The following PLEKHG4B variants were observed in gnomAD, a reference collection of about 807,000 sequenced individuals.
The protein encoded by PLEKHG4B is pleckstrin homology domain-containing family G member 4B.
PLEKHG4B carries 111 observed loss-of-function variants against 121.3 expected under a neutral mutation model. That is an observed-to-expected ratio of 0.92 (90% CI 0.78 to 1.07). PLEKHG4B has a LOEUF of 1.07. PLEKHG4B is among the 50% of genes least tolerant of loss of function. PLEKHG4B has a pLI of 0.00. For synonymous variants in PLEKHG4B, 738 were observed against 725.0 expected (o/e 1.02, Z -0.29); for missense variants, 1,831 against 1,757.8 (o/e 1.04, Z -0.74).
intron 2 of PLEKHG4B, among the ~76,000 whole-genome samples, chr5:118,324 C>T (rs984294006): frequency 4.6e-5 from 7 of 152,090 alleles, no homozygotes; most frequent in Non-Finnish European, 2.9e-5. Flanking sequence ...GTAAGCAGAC[C>T]ACACACTGCT....
intron 13 of PLEKHG4B, among the ~76,000 whole-genome samples, chr5:166,856 A>C (rs1475327402): frequency 2.0e-5 from 3 of 152,248 alleles, no homozygotes; most frequent in Non-Finnish European, 2.9e-5. Flanking sequence ...CAAAGCTCCA[A>C]GTAGAACATT....
chr5:155,333 A>G lies in PLEKHG4B; in HGVS notation c.2110-12A>G. The stretch of plus-strand genomic sequence containing the variant: ...GTGTTCTTATAATCTCCTCCCTCTC[A>G]ACTCACAACAGAGGCTGGAACACTT... On this transcript the variant is annotated splice_polypyrimidine_tract_variant and intron_variant, in intron 8 of 19. Transcript: ENST00000637938. 1 of 1,609,006 alleles carries G rather than the reference A, an allele frequency of 6.2e-7. No homozygotes were observed. Among genetic ancestry groups the G allele is most frequent in the African/African-American group, 1.3e-5 (1 of 74,932 alleles).
intron 2 of PLEKHG4B, among the ~76,000 whole-genome samples, chr5:119,128 G>A (rs554347211): frequency 3.9e-5 from 6 of 152,046 alleles, no homozygotes; most frequent in African/African-American, 1.2e-4. Flanking sequence ...CCAAACCACT[G>A]GGATTACAGG....
intron 18 of PLEKHG4B, among the ~76,000 whole-genome samples, chr5:175,265 C>T (rs1220076982): frequency 6.6e-6 from 1 of 152,108 alleles, no homozygotes; most frequent in Admixed American, 6.5e-5. Context: ...TCATTCCCCA[C>T]CCTAGGATCC....
At chr5:92,886 G>C (rs775712321) in intron 1 of PLEKHG4B, among the ~76,000 whole-genome samples, 2 of 152,190 alleles carry the variant, frequency 1.3e-5, no homozygotes, top group Admixed American at 6.5e-5. Context: ...TGGAGTGCTA[G>C]TTGATTTGAG....
At chr5:98,538 G>A (rs1443181977) in intron 1 of PLEKHG4B, among the ~76,000 whole-genome samples, 1 of 139,708 alleles carries the variant, frequency 7.2e-6, no homozygotes, top group East Asian at 2.3e-4. Flanking sequence ...AGGTTCAAGC[G>A]ATTCTCCTGG....
Position 137,215 on chromosome 5 carries a change from T to C in PLEKHG4B, c.244-2268T>C, listed in dbSNP as rs938305487. On this transcript the variant is annotated intron_variant, in intron 2 of 19. Coordinates refer to ENST00000637938, the MANE Select transcript of PLEKHG4B (RefSeq NM_052909.5). This position sits in a 1 kb window ranked among gnomAD's most constrained non-coding sequence, Gnocchi z 4.2. ...CACTTGTATGAAGTAGTCAAACTCGTCAAGACAGGAAGTGGAATGGTGGGT... is the reference window on the plus strand; with the variant it reads ...CACTTGTATGAAGTAGTCAAACTCGCCAAGACAGGAAGTGGAATGGTGGGT... Among the ~76,000 whole-genome samples, 17 of 152,058 alleles carry C rather than the reference T, an allele frequency of 1.1e-4. No individual in the cohort carries two copies. The highest frequency in any genetic ancestry group is 2.5e-4 in the Non-Finnish European group (17 of 68,006).
At chr5:147,332 C>T (rs1352905890) in intron 6 of PLEKHG4B, among the ~76,000 whole-genome samples, 2 of 152,202 alleles carry the variant, frequency 1.3e-5, no homozygotes, top group Admixed American at 6.5e-5. Context: ...ACATGAGGCC[C>T]TGCACCACAG....
chr5:149,623 C>G (rs1297118985), intron 6 of PLEKHG4B, among the ~76,000 whole-genome samples: 2 of 152,138 alleles, frequency 1.3e-5, no homozygotes, highest in Non-Finnish European at 2.9e-5. Context: ...AATTATGTAT[C>G]TGATAGGAGG....
chr5:133,069 A>G (rs1734824515), intron 2 of PLEKHG4B, among the ~76,000 whole-genome samples: 1 of 152,118 alleles, frequency 6.6e-6, no homozygotes, highest in Non-Finnish European at 1.5e-5. Flanking sequence ...GATTTCTTTC[A>G]GCGGTGTTTT....
intron 2 of PLEKHG4B, among the ~76,000 whole-genome samples, chr5:117,051 A>G (rs1734327371): frequency 6.6e-6 from 1 of 152,118 alleles, no homozygotes. Context: ...CTCTCATTTT[A>G]ATCAAAAACC....
intron 1 of PLEKHG4B, among the ~76,000 whole-genome samples, chr5:92,905 A>G (rs1311425147): frequency 1.3e-5 from 2 of 152,174 alleles, no homozygotes; most frequent in East Asian, 1.9e-4. Flanking sequence ...AGTAAGAAAC[A>G]TTTGCTAGTA....
In PLEKHG4B at chr5:162,789, G is replaced by A; in HGVS notation, c.2717G>A (p.Arg906Lys). ...CPSSPVAECL[R>K]SCHQEATSVA... ...TCCTCACCCGTGGCTGAGTGTTTGA[G>A]GAGCTGTCACCAGGAGGCTACCTCG... Residue 906 changes from arginine to lysine, a missense_variant, in exon 13 of 20, where the codon AGG (arginine) becomes AAG (lysine). Physicochemically the swap from Arg to Lys is conservative, Grantham distance 26 (BLOSUM62 2). Coordinates refer to ENST00000637938, the MANE Select transcript of PLEKHG4B (RefSeq NM_052909.5). The A allele has an allele frequency of 1.3e-6, 2 of 1,489,694 alleles. No individual in the cohort carries two copies. Among genetic ancestry groups the A allele is most frequent in the Non-Finnish European group, 1.8e-6 (2 of 1,121,474 alleles). The allele number at this position is 1,489,694 out of a possible 1,614,324, so 92.3% of individuals were successfully genotyped here. A position where few individuals can be genotyped will look rare whatever the true frequency, so the allele number is the denominator to read the frequency against.
Position 162,701 on chromosome 5 carries a change from A to G in PLEKHG4B, c.2650-21A>G, listed in dbSNP as rs75374323. On this transcript the variant is annotated intron_variant, in intron 12 of 19. Coordinates refer to ENST00000637938, the MANE Select transcript of PLEKHG4B (RefSeq NM_052909.5). Reference sequence around the variant, plus strand: ...CAGCCCCTCCTCCACTGCACTGAGCAGAGCCCTCCTTGTCCCACAGGTGAG... The same window carrying G: ...CAGCCCCTCCTCCACTGCACTGAGCGGAGCCCTCCTTGTCCCACAGGTGAG... 1.2e-3 allele frequency: 1,695 copies of G among 1,437,552 alleles called. 15 individuals carry two copies. The African/African-American group carries it at 0.021, about 18-fold the overall frequency. The allele number at this position is 1,437,552 out of a possible 1,614,324, so 89.0% of individuals were successfully genotyped here. A position where few individuals can be genotyped will look rare whatever the true frequency, so the allele number is the denominator to read the frequency against.
chr5:112,578 A>G (rs535013398), intron 1 of PLEKHG4B, among the ~76,000 whole-genome samples: 74 of 152,324 alleles, frequency 4.9e-4, no homozygotes, highest in African/African-American at 1.4e-3. Flanking sequence ...AGCATGTTGC[A>G]CCAAAATGCC....
chr5:109,496 G>T (rs934746142), intron 1 of PLEKHG4B, among the ~76,000 whole-genome samples: 21 of 151,902 alleles, frequency 1.4e-4, no homozygotes, highest in Non-Finnish European at 2.9e-4. Flanking sequence ...CACACCCTGG[G>T]CTACAGCATT....
chr5:169,664 C>G (rs1037621650), intron 14 of PLEKHG4B, 72 bp downstream of exon 14: 1 of 1,578,476 alleles, frequency 6.3e-7, no homozygotes, highest in African/African-American at 1.3e-5. Flanking sequence ...GCGGGGCCTA[C>G]AGGGCCCACG....
Position 156,262 on chromosome 5 carries a change from C to G in PLEKHG4B, c.2348+52C>G. The G allele has an allele frequency of 2.2e-6, 3 of 1,374,346 alleles. No homozygotes were observed. The highest frequency in any genetic ancestry group is 4.0e-5 in the South Asian group (2 of 50,394). 85.1% of individuals were successfully genotyped at this position (1,374,346 alleles called of 1,614,324 possible). ...GCCCTGGCCCATCGAGGGAGCTGCT[C>G]GGGGGAGTTTGCACCAGGAGGCGTA... On this transcript the variant is annotated intron_variant, in intron 10 of 19. Coordinates refer to ENST00000637938, the MANE Select transcript of PLEKHG4B (RefSeq NM_052909.5). This position sits in a 1 kb window ranked among gnomAD's most constrained non-coding sequence, Gnocchi z 4.4.
Position 156,079 on chromosome 5 carries a change from C to T in PLEKHG4B, c.2217C>T (p.Ala739=), listed in dbSNP as rs373657712. ...CTCCCCATCCCGTGCAGGAAGTCGC[C>T]GAGTTAATTGACCAGCATGAGACGA... is the stretch of plus-strand genomic sequence containing the variant. ...HRTPRTAQEV[A]ELIDQHETMM... is the part of the protein sequence containing the mutation. Residue 739 remains alanine (A), a synonymous_variant, in exon 10 of 20, where the codon GCC becomes GCT. Coordinates refer to ENST00000637938, the MANE Select transcript of PLEKHG4B (RefSeq NM_052909.5). The surrounding 1 kb of genome is among the most constrained non-coding windows in gnomAD (Gnocchi z 4.4). 24 of 1,580,474 alleles carry T rather than the reference C, an allele frequency of 1.5e-5. No homozygotes were observed. The highest frequency in any genetic ancestry group is 1.2e-4 in the African/African-American group (9 of 72,622).
Sources: allele counts gnomAD v4.1 joint callset (sites outside exome capture counted in the v4.1 genomes callset), GRCh38; gene constraint gnomAD v4.1.1; non-coding constraint Gnocchi (gnomAD v3.1); transcripts MANE v1.5; gene names NCBI Gene and HGNC (gene_info 2026-07-23, HGNC 2026-07-21).